Variants in CSMD1 observed in about 807,000 individuals in gnomAD.
CSMD1 encodes CUB and Sushi multiple domains 1, also known as CUB and sushi domain-containing protein 1.
Under a neutral mutation model 417.5 loss-of-function variants are expected in CSMD1, and 213 were observed. That is an observed-to-expected ratio of 0.51 (90% CI 0.46 to 0.57). The LOEUF (loss-of-function observed/expected upper bound fraction) is 0.57. Ranked by LOEUF, CSMD1 falls within the 20% of genes least tolerant of loss-of-function variation. CSMD1 has a pLI of 0.00. For synonymous variants in CSMD1, 2,862 were observed against 1,736.8 expected (o/e 1.65, Z -16.11); for missense variants, 6,923 against 4,529.7 (o/e 1.53, Z -15.17).
intron 5 of CSMD1, among the ~76,000 whole-genome samples, chr8:3,819,317 T>C (rs1025823260): frequency 7.2e-5 from 11 of 152,224 alleles, no homozygotes; most frequent in South Asian, 4.1e-4. Flanking sequence ...TATGAAGAGA[T>C]GAGAGAGTGA....
chr8:4,512,129 G>A (rs1286412495), intron 2 of CSMD1, among the ~76,000 whole-genome samples: 2 of 152,140 alleles, frequency 1.3e-5, no homozygotes, highest in Admixed American at 6.6e-5. Flanking sequence ...TGCAAGGCTG[G>A]TTCAATACTG....
At chr8:2,970,788 A>G (rs1319178621) in intron 57 of CSMD1, among the ~76,000 whole-genome samples, 1 of 152,224 alleles carries the variant, frequency 6.6e-6, no homozygotes, top group Non-Finnish European at 1.5e-5. Context: ...AGATACATTA[A>G]GCTACTGTTA....
At chr8:4,050,011 T>A (rs947407813) in intron 3 of CSMD1, among the ~76,000 whole-genome samples, 2 of 152,188 alleles carry the variant, frequency 1.3e-5, no homozygotes, top group Admixed American at 1.3e-4. Context: ...AGGGCCTTGA[T>A]GGTTTTCAGA....
chr8:3,433,658 T>C (rs962578804), intron 12 of CSMD1, among the ~76,000 whole-genome samples: 15 of 152,192 alleles, frequency 9.9e-5, no homozygotes, highest in African/African-American at 3.1e-4. Context: ...GCGCCCAACA[T>C]TGGTGAGATG....
intron 5 of CSMD1, among the ~76,000 whole-genome samples, chr8:3,992,529 A>C (rs1814836271): frequency 1.3e-5 from 2 of 152,230 alleles, no homozygotes. Context: ...TCATGCCTGT[A>C]ATTCCACACT....
At chr8:4,871,775 C>A (rs978726082) in intron 1 of CSMD1, among the ~76,000 whole-genome samples, 2 of 152,108 alleles carry the variant, frequency 1.3e-5, no homozygotes, top group African/African-American at 4.8e-5. Flanking sequence ...TCTTTTGAAA[C>A]TGTACATTTA....
At position 4,454,421 on chromosome 8, in the gene CSMD1, G is replaced by A. The variant is rs987022865; in HGVS notation, c.303-34356C>T. Among the ~76,000 whole-genome samples, 4 of 152,034 alleles carry A rather than the reference G, an allele frequency of 2.6e-5. No homozygotes were observed. In the South Asian group the frequency reaches 8.3e-4, roughly 32 times the overall value. The stretch of plus-strand genomic sequence containing the variant: ...GGTATACCTCTAGGAGATCTTCTTT[G>A]GATACCCTACCCTAGTCTGGCTACA... On this transcript the variant is annotated intron_variant, in intron 2 of 69. Transcript: ENST00000635120.
At chr8:3,700,116 G>T (rs1332009864) in intron 7 of CSMD1, among the ~76,000 whole-genome samples, 4 of 152,112 alleles carry the variant, frequency 2.6e-5, no homozygotes, top group Non-Finnish European at 5.9e-5. Context: ...GGAAGAGTGG[G>T]AGTGGGGCGA....
chr8:3,393,133 C>A (rs1221114846), intron 17 of CSMD1, among the ~76,000 whole-genome samples: 1 of 152,096 alleles, frequency 6.6e-6, no homozygotes, highest in Admixed American at 6.5e-5. Context: ...TTCTGAGGTC[C>A]TATTTCTCCC....
chr8:4,905,809 G>T (rs569698108), intron 1 of CSMD1, among the ~76,000 whole-genome samples: 1 of 121,314 alleles, frequency 8.2e-6, no homozygotes, highest in South Asian at 2.9e-4. Context: ...CACAGAGCGA[G>T]ACTCCATCTC....
chr8:4,921,276 G>C (rs1806483154), intron 1 of CSMD1, among the ~76,000 whole-genome samples: 1 of 152,142 alleles, frequency 6.6e-6, no homozygotes. Flanking sequence ...CAGCCAATCT[G>C]AGTGGGGGTG....
chr8:4,372,722 C>T (rs558391646), intron 3 of CSMD1, among the ~76,000 whole-genome samples: 2 of 146,176 alleles, frequency 1.4e-5, no homozygotes, highest in Admixed American at 1.4e-4. Flanking sequence ...TCTCACTGTC[C>T]AAACCTAGAA....
intron 3 of CSMD1, among the ~76,000 whole-genome samples, chr8:4,366,123 C>T (rs141278531): frequency 3.9e-4 from 60 of 152,216 alleles, no homozygotes; most frequent in African/African-American, 1.4e-3. Flanking sequence ...TTGTTCCCTA[C>T]TTTGTGTCAC....
intron 3 of CSMD1, among the ~76,000 whole-genome samples, chr8:4,351,322 C>G (rs902327652): frequency 9.9e-5 from 15 of 152,204 alleles, no homozygotes; most frequent in African/African-American, 3.1e-4. Context: ...GTTTCTCCAG[C>G]TATATAAAAA....
chr8:4,092,429 A>T (rs1800769537), intron 3 of CSMD1, among the ~76,000 whole-genome samples: 1 of 152,234 alleles, frequency 6.6e-6, no homozygotes, highest in Non-Finnish European at 1.5e-5. Flanking sequence ...GCATATTATG[A>T]GACTATATTA....
chr8:4,667,457 T>A lies in CSMD1; in HGVS notation c.86-29899A>T, dbSNP rs558920734. On this transcript the variant is annotated intron_variant, in intron 1 of 69. Coordinates refer to ENST00000635120, the MANE Select transcript of CSMD1 (RefSeq NM_033225.6). Reference sequence around the variant, plus strand: ...ACAATTTAGAAAAAAAAAAAGAAACTGATGTCTTAATAATATGAAGTACTC... The same window carrying A: ...ACAATTTAGAAAAAAAAAAAGAAACAGATGTCTTAATAATATGAAGTACTC... 2.2e-4 allele frequency among the ~76,000 whole-genome samples: 33 copies of A among 152,176 alleles called. No homozygotes were observed. The East Asian group carries it at 4.4e-3, about 20-fold the overall frequency.
chr8:4,649,671 T>C (rs1403396782), intron 1 of CSMD1, among the ~76,000 whole-genome samples: 1 of 152,252 alleles, frequency 6.6e-6, no homozygotes, highest in Non-Finnish European at 1.5e-5. Flanking sequence ...TAAGAAGCCA[T>C]GAAACTACAT....
chr8:3,922,157 C>A (rs953945904), intron 5 of CSMD1, among the ~76,000 whole-genome samples: 1 of 151,922 alleles, frequency 6.6e-6, no homozygotes, highest in African/African-American at 2.4e-5. Flanking sequence ...TCCGTTTTTG[C>A]CTAATGTCTA....
intron 5 of CSMD1, among the ~76,000 whole-genome samples, chr8:3,886,933 G>C (rs1340519873): frequency 6.6e-6 from 1 of 152,138 alleles, no homozygotes; most frequent in African/African-American, 2.4e-5. Context: ...GGGGACTCAG[G>C]TCATTTTTCA....
Sources: gnomAD v4.1 joint callset for allele counts (sites outside exome capture counted in the v4.1 genomes callset) on GRCh38, gnomAD v4.1.1 for gene constraint, MANE v1.5 for transcripts, NCBI Gene and HGNC (gene_info 2026-07-23, HGNC 2026-07-21) for gene names.